Variants in FRY observed in about 807,000 individuals in gnomAD.
The protein encoded by FRY is FRY microtubule binding protein.
In FRY, 128 loss-of-function variants were observed where a neutral mutation model predicts 348.4. That is an observed-to-expected ratio of 0.37 (90% CI 0.32 to 0.43). FRY has a LOEUF of 0.43. FRY is among the 20% of genes least tolerant of loss of function. The probability of loss-of-function intolerance (pLI) is 1.00; values close to 1 mark genes in which losing one functional copy is unlikely to be tolerated. For missense variants in FRY, 2,736 were observed against 3,695.2 expected, an observed-to-expected ratio of 0.74 and a Z score of 6.73; for synonymous variants, 1,370 against 1,374.7, an observed-to-expected ratio of 1.00 and a Z score of 0.08.
Position 32,243,789 on chromosome 13 carries a change from C to T in FRY, c.6688-253C>T, listed in dbSNP as rs77216304. 8.8e-4 allele frequency among the ~76,000 whole-genome samples: 134 copies of T among 152,164 alleles called. No homozygotes were observed. In the East Asian group the frequency reaches 0.022, roughly 25 times the overall value. On this transcript the variant is annotated intron_variant, in intron 46 of 60. Coordinates refer to ENST00000542859, the MANE Select transcript of FRY (RefSeq NM_023037.3). ...CTTCATAGTTAGGATTTTATTTCCC[C>T]TCCTAAGGAAATGTGCAATCAAGCC... is the stretch of plus-strand genomic sequence containing the variant.
intron 7 of FRY, among the ~76,000 whole-genome samples, chr13:32,128,513 A>G (rs2138742278): frequency 6.6e-6 from 1 of 152,250 alleles, no homozygotes; most frequent in South Asian, 2.1e-4. Flanking sequence ...TTAAACTATA[A>G]ACTATTCTAG....
At chr13:32,182,935 T>C in intron 23 of FRY, 42 bp from the exon 24 acceptor site, 1 of 1,323,742 alleles carries the variant, frequency 7.6e-7, no homozygotes, top group Non-Finnish European at 1.1e-6. Context: ...AAGTTTGGTG[T>C]CAAAAACAAT....
Position 32,228,636 on chromosome 13 carries a change from T to C in FRY, c.5387T>C (p.Ile1796Thr), listed in dbSNP as rs771829292. The C allele has an allele frequency of 3.7e-6, 6 of 1,614,094 alleles. No individual in the cohort carries two copies. Among genetic ancestry groups the C allele is most frequent in the Non-Finnish European group, 5.1e-6 (6 of 1,179,942 alleles). The change falls in exon 40 of 61, where the codon ATT (isoleucine) becomes ACT (threonine). Residue 1796 changes from isoleucine (I) to threonine (T), a missense_variant. Coordinates refer to ENST00000542859, the MANE Select transcript of FRY (RefSeq NM_023037.3). Reference protein sequence around the residue: ...AETDEKANKLIEFLTTRAFGP... With the variant: ...AETDEKANKLTEFLTTRAFGP... ...ACAGATGAGAAGGCAAACAAGCTCA[T>C]TGAGTTTCTCACGACCAGGTAATAA...
At chr13:32,129,566 T>C (rs919274140) in intron 7 of FRY, among the ~76,000 whole-genome samples, 12 of 152,276 alleles carry the variant, frequency 7.9e-5, no homozygotes, top group South Asian at 2.1e-4. Flanking sequence ...TGGGGTGCTG[T>C]CTTGAAATTG....
chr13:32,079,830 C>T (rs1018297200), intron 2 of FRY, among the ~76,000 whole-genome samples: 4 of 152,174 alleles, frequency 2.6e-5, no homozygotes, highest in East Asian at 1.9e-4. Flanking sequence ...TTCAGAGTGA[C>T]GCAGCTGTTT....
chr13:32,140,575 A>T (rs1414955700), intron 11 of FRY, among the ~76,000 whole-genome samples: 1 of 152,138 alleles, frequency 6.6e-6, no homozygotes, highest in East Asian at 1.9e-4. Context: ...ACCAACAAGC[A>T]AATAAATAAA....
At chr13:32,185,169 A>C in intron 26 of FRY, 21 bp downstream of exon 26, 1 of 1,609,188 alleles carries the variant, frequency 6.2e-7, no homozygotes, top group Non-Finnish European at 8.5e-7. Context: ...CCGTTACAAG[A>C]AATTACCATT....
intron 28 of FRY, among the ~76,000 whole-genome samples, chr13:32,188,925 G>A (rs753683518): frequency 4.6e-5 from 7 of 152,102 alleles, no homozygotes; most frequent in Non-Finnish European, 7.4e-5. Context: ...TGTATAAGCT[G>A]AACAGATTGA....
chr13:32,180,865 T>C (rs1882663426), intron 23 of FRY, among the ~76,000 whole-genome samples: 1 of 152,058 alleles, frequency 6.6e-6, no homozygotes, highest in African/African-American at 2.4e-5. Flanking sequence ...CTAAGTTACT[T>C]ATGGTTAGAG....
At chr13:32,206,596 A>T (rs1182350259) in intron 31 of FRY, among the ~76,000 whole-genome samples, 2 of 152,166 alleles carry the variant, frequency 1.3e-5, no homozygotes, top group Non-Finnish European at 2.9e-5. Context: ...GCTGAGAGGG[A>T]GATGCTAGTA....
At chr13:32,115,371 G>A (rs1330824316) in intron 3 of FRY, among the ~76,000 whole-genome samples, 3 of 152,222 alleles carry the variant, frequency 2.0e-5, no homozygotes, top group Non-Finnish European at 2.9e-5. Context: ...AGAATGCCTG[G>A]AATCACTGCC....
chr13:32,206,704 A>G (rs1382904676), intron 31 of FRY, among the ~76,000 whole-genome samples: 1 of 152,258 alleles, frequency 6.6e-6, no homozygotes, highest in African/African-American at 2.4e-5. Context: ...GGTTCAACCT[A>G]CATTTCCTTG....
At chr13:32,145,822 G>C (rs940065495) in intron 11 of FRY, among the ~76,000 whole-genome samples, 1 of 151,982 alleles carries the variant, frequency 6.6e-6, no homozygotes, top group African/African-American at 2.4e-5. Flanking sequence ...GGGATTACAG[G>C]CGTGAGCCAC....
chr13:32,203,436 A>G (rs1390790775), intron 31 of FRY, among the ~76,000 whole-genome samples: 1 of 152,168 alleles, frequency 6.6e-6, no homozygotes, highest in Non-Finnish European at 1.5e-5. Context: ...AAAGAATTGC[A>G]TTTGTCAGGC....
chr13:32,099,297 G>A (rs1876991196), intron 2 of FRY, among the ~76,000 whole-genome samples: 1 of 151,642 alleles, frequency 6.6e-6, no homozygotes. Flanking sequence ...GGTTCAAAAT[G>A]TGTATTCATC....
rs149175244 is a variant in FRY, at chr13:32,105,098, T to C, written c.324+3082T>C. On this transcript the variant is annotated intron_variant, in intron 3 of 60. Coordinates refer to ENST00000542859, the MANE Select transcript of FRY (RefSeq NM_023037.3). Reference sequence around the variant, plus strand: ...GAAAAAGTTGGCAAAGCATAATAGCTTTTGAAGGTGCTTACTGTGGTTCAA... The same window carrying C: ...GAAAAAGTTGGCAAAGCATAATAGCCTTTGAAGGTGCTTACTGTGGTTCAA... 2.0e-4 allele frequency among the ~76,000 whole-genome samples: 31 copies of C among 152,344 alleles called. No individual in the cohort carries two copies. The East Asian group carries it at 5.6e-3, about 27-fold the overall frequency.
At chr13:32,185,366 GTGTGTCATTTCTA>G (rs1242713847) in intron 26 of FRY, among the ~76,000 whole-genome samples, 2 of 152,174 alleles carry the variant, frequency 1.3e-5, no homozygotes, top group African/African-American at 4.8e-5. Context: ...TTGGCTTTGT[GTGTGTCATTTCTA>G]TTCTTTGTTT....
chr13:32,084,604 C>G (rs1218243694), intron 2 of FRY, among the ~76,000 whole-genome samples: 1 of 152,190 alleles, frequency 6.6e-6, no homozygotes, highest in Admixed American at 6.5e-5. Context: ...TTTACTTTAT[C>G]TAAGCTACTG....
chr13:32,042,553 G>C (rs1008584325), intron 1 of FRY, among the ~76,000 whole-genome samples: 2 of 148,712 alleles, frequency 1.3e-5, no homozygotes, highest in African/African-American at 5.2e-5. Context: ...GAGGTTCCAG[G>C]TGGGCTTAGA....
Sources: gnomAD v4.1 joint callset for allele counts (sites outside exome capture counted in the v4.1 genomes callset) on GRCh38, gnomAD v4.1.1 for gene constraint, MANE v1.5 for transcripts, NCBI Gene and HGNC (gene_info 2026-07-23, HGNC 2026-07-21) for gene names.